ANP32A: variants seen among roughly 807,000 people sequenced by gnomAD.
ANP32A encodes the protein acidic leucine-rich nuclear phosphoprotein 32 family member A.
ANP32A carries 1 observed loss-of-function variant against 33.9 expected under a neutral mutation model. That is an observed-to-expected ratio of 0.03 (90% CI 0.01 to 0.14). ANP32A has a LOEUF of 0.14. ANP32A is among the 10% of genes least tolerant of loss of function. The probability of loss-of-function intolerance (pLI) is 1.00; values close to 1 mark genes in which losing one functional copy is unlikely to be tolerated. For missense variants in ANP32A, 155 were observed against 306.0 expected, an observed-to-expected ratio of 0.51 and a Z score of 3.68; for synonymous variants, 115 against 120.5, an observed-to-expected ratio of 0.95 and a Z score of 0.30.
At chr15:68,804,737 T>C (rs1894191455) in intron 1 of ANP32A, among the ~76,000 whole-genome samples, 1 of 152,184 alleles carries the variant, frequency 6.6e-6, no homozygotes, top group Non-Finnish European at 1.5e-5. Context: ...ATGGTCTCGA[T>C]CTCCTGGCCT....
intron 4 of ANP32A, 39 bp downstream of exon 4, chr15:68,784,358 C>T (rs377303230): frequency 1.2e-6 from 2 of 1,603,482 alleles, no homozygotes; most frequent in Non-Finnish European, 1.7e-6. Flanking sequence ...AAGGCCTCAG[C>T]TGGGCCCCTG....
intron 1 of ANP32A, among the ~76,000 whole-genome samples, chr15:68,806,248 G>T (rs1278341199): frequency 6.6e-6 from 1 of 152,112 alleles, no homozygotes; most frequent in Non-Finnish European, 1.5e-5. Flanking sequence ...TGGTACAGTG[G>T]GTGCCTCTCA....
intron 1 of ANP32A, among the ~76,000 whole-genome samples, chr15:68,812,143 G>T (rs1397683957): frequency 6.6e-6 from 1 of 152,172 alleles, no homozygotes; most frequent in Non-Finnish European, 1.5e-5. Context: ...CAGACAGTGC[G>T]GCAGGCACTA....
rs1251885151 is a variant in ANP32A at position 68,820,842 on chromosome 15, A to T, written c.-91T>A. On this transcript the variant is annotated 5_prime_UTR_variant, in exon 1 of 7. Transcript: ENST00000465139. ...ACGGCCGCGCGTTTTAGGACTTTGAAGGCTCAACCAGCTCCGCTCGGTTCT... is the reference window on the plus strand; with the variant it reads ...ACGGCCGCGCGTTTTAGGACTTTGATGGCTCAACCAGCTCCGCTCGGTTCT... 8.1e-6 allele frequency: 12 copies of T among 1,479,192 alleles called. No homozygotes were observed. The highest frequency in any genetic ancestry group is 1.1e-5 in the Non-Finnish European group (12 of 1,066,118). 91.6% of individuals were successfully genotyped at this position (1,479,192 alleles called of 1,614,324 possible).
intron 1 of ANP32A, among the ~76,000 whole-genome samples, chr15:68,802,748 G>A (rs1280000656): frequency 6.6e-6 from 1 of 152,166 alleles, no homozygotes; most frequent in East Asian, 1.9e-4. Context: ...CACCTCCCAG[G>A]TTCAAGTGAT....
intron 1 of ANP32A, among the ~76,000 whole-genome samples, chr15:68,809,199 T>G (rs1489358074): frequency 6.6e-6 from 1 of 152,142 alleles, no homozygotes; most frequent in Non-Finnish European, 1.5e-5. Context: ...AGTGGAGCCT[T>G]GATTCACCAA....
chr15:68,784,742 T>A, intron 3 of ANP32A, 147 bp from the exon 4 acceptor site: 1 of 941,300 alleles, frequency 1.1e-6, no homozygotes, highest in Non-Finnish European at 1.6e-6. Flanking sequence ...TGGCTCTGCT[T>A]AGCCACAGTG....
At chr15:68,810,786 G>A (rs902772100) in intron 1 of ANP32A, among the ~76,000 whole-genome samples, 1 of 152,150 alleles carries the variant, frequency 6.6e-6, no homozygotes, top group Non-Finnish European at 1.5e-5. Context: ...CCAGCCGGGC[G>A]CAGTGGCTCA....
chr15:68,803,569 C>A (rs1474314410), intron 1 of ANP32A, among the ~76,000 whole-genome samples: 1 of 152,174 alleles, frequency 6.6e-6, no homozygotes, highest in Non-Finnish European at 1.5e-5. Context: ...CCTGGGTATG[C>A]TTCTCACCTG....
rs35282881 is a variant in ANP32A at position 68,807,427 on chromosome 15, C to CGGG, written c.54+13268_54+13270dup. Among the ~76,000 whole-genome samples the CGGG allele has an allele frequency of 4.7e-3, 540 of 115,316 alleles. 7 individuals are homozygous for CGGG. Among genetic ancestry groups the CGGG allele is most frequent in the Middle Eastern group, 0.027 (6 of 226 alleles). The allele number at this position is 115,316 out of a possible 152,430, so 75.7% of individuals were successfully genotyped here. A position where few individuals can be genotyped will look rare whatever the true frequency, so the allele number is the denominator to read the frequency against. On this transcript the variant is annotated intron_variant, in intron 1 of 6. Transcript: ENST00000465139. ...CCTCCCGCCCCACCTCCACAGAAAA[C>CGGG]GGGGGGGGGGGAGTCTCTCCTTTGC...
Position 68,813,032 on chromosome 15 carries a change from C to G in ANP32A, c.54+7666G>C, listed in dbSNP as rs560721473. 4 of 152,296 alleles carry G rather than the reference C, an allele frequency of 2.6e-5. No individual in the cohort carries two copies. In the South Asian group the frequency reaches 8.3e-4, roughly 32 times the overall value. The allele number at this position is 152,296 out of a possible 1,614,324, so 9.4% of individuals were successfully genotyped here. ...AAACCAGAATCTCCAAATGTAAATACCTCTGGGAAAAACAGTGCTGACTTT... is the reference window on the plus strand; with the variant it reads ...AAACCAGAATCTCCAAATGTAAATAGCTCTGGGAAAAACAGTGCTGACTTT... On this transcript the variant is annotated intron_variant, in intron 1 of 6. Coordinates refer to ENST00000465139, the MANE Select transcript of ANP32A (RefSeq NM_006305.4).
At chr15:68,820,160 C>G (rs1284816625) in intron 1 of ANP32A, among the ~76,000 whole-genome samples, 2 of 152,006 alleles carry the variant, frequency 1.3e-5, no homozygotes, top group Non-Finnish European at 2.9e-5. Flanking sequence ...ACCGGACTCG[C>G]GAAGCCCCAA....
chr15:68,789,917 C>T (rs1388135115), intron 1 of ANP32A: 1 of 152,310 alleles, frequency 6.6e-6, no homozygotes, highest in Non-Finnish European at 1.5e-5. Flanking sequence ...ATCCAGATGT[C>T]CAGGTCAAGC....
intron 1 of ANP32A, among the ~76,000 whole-genome samples, chr15:68,789,026 C>T (rs922792922): frequency 7.2e-5 from 11 of 152,220 alleles, no homozygotes; most frequent in Admixed American, 3.3e-4. Flanking sequence ...TGAAATGACC[C>T]TGGGAGTAAG....
chr15:68,812,618 C>G lies in ANP32A; in HGVS notation c.54+8080G>C, dbSNP rs570415490. Among the ~76,000 whole-genome samples, 14 of 152,300 alleles carry G rather than the reference C, an allele frequency of 9.2e-5. No homozygotes were observed. In the South Asian group the frequency reaches 1.7e-3, roughly 18 times the overall value. ...CCTCTCATTCCCCCAAACAAAACTA[C>G]AAGTATTGAGTATAAAGAAACCTTA... On this transcript the variant is annotated intron_variant, in intron 1 of 6. Transcript: ENST00000465139.
intron 1 of ANP32A, among the ~76,000 whole-genome samples, chr15:68,806,152 C>G (rs1303143625): frequency 6.6e-6 from 1 of 152,114 alleles, no homozygotes. Flanking sequence ...CAGTAGTGGC[C>G]AAGTGCTGCT....
intron 1 of ANP32A, among the ~76,000 whole-genome samples, chr15:68,794,104 T>C (rs1894032856): frequency 6.6e-6 from 1 of 152,200 alleles, no homozygotes; most frequent in Non-Finnish European, 1.5e-5. Context: ...GTCCATCACC[T>C]AGGGTTGGAT....
chr15:68,783,194 C>G, intron 4 of ANP32A, 141 bp from the exon 5 acceptor site: 1 of 1,316,688 alleles, frequency 7.6e-7, no homozygotes, highest in Non-Finnish European at 1.0e-6. Context: ...ATGGAACACA[C>G]TAACTCTCAT....
chr15:68,808,856 T>A (rs977791592), intron 1 of ANP32A, among the ~76,000 whole-genome samples: 9 of 152,224 alleles, frequency 5.9e-5, no homozygotes, highest in African/African-American at 2.2e-4. Context: ...GCTGCAGAGT[T>A]CCAGCACAAC....
Sources: allele counts gnomAD v4.1 joint callset (sites outside exome capture counted in the v4.1 genomes callset), GRCh38; gene constraint gnomAD v4.1.1; transcripts MANE v1.5; gene names NCBI Gene and HGNC (gene_info 2026-07-23, HGNC 2026-07-21).